IGFL2: variants seen among roughly 807,000 people sequenced by gnomAD.
The protein encoded by IGFL2 is insulin growth factor-like family member 2.
In IGFL2, 7 loss-of-function variants were observed where a neutral mutation model predicts 13.9. The observed-to-expected ratio is 0.51, with a 90% CI of 0.29 to 0.95. The LOEUF (loss-of-function observed/expected upper bound fraction) is 0.95. Among genes scored for constraint, IGFL2 ranks in the 40% least tolerant of loss-of-function variants. The probability of loss-of-function intolerance (pLI) is 0.08; values close to 1 mark genes in which losing one functional copy is unlikely to be tolerated. For missense variants in IGFL2, 138 were observed against 147.8 expected (o/e 0.93, Z 0.34); for synonymous variants, 55 against 55.8 (o/e 0.99, Z 0.07).
chr19:46,152,362 G>A (rs754422496), intron 1 of IGFL2, among the ~76,000 whole-genome samples: 3 of 150,602 alleles, frequency 2.0e-5, no homozygotes, highest in Non-Finnish European at 4.4e-5. Flanking sequence ...ATGCAGCTTC[G>A]AACTCCTGGG....
At chr19:46,149,969 C>G (rs1450334048) in intron 1 of IGFL2, among the ~76,000 whole-genome samples, 1 of 152,196 alleles carries the variant, frequency 6.6e-6, no homozygotes, top group Non-Finnish European at 1.5e-5. Flanking sequence ...TTCCACAGAG[C>G]TGCATCAATT....
At chr19:46,149,033 G>T in intron 1 of IGFL2, 1 of 1,605,270 alleles carries the variant, frequency 6.2e-7, no homozygotes, top group Non-Finnish European at 8.5e-7. Context: ...CCAGGAGTGT[G>T]CTGGGTAAGT....
At chr19:46,167,235 A>T in the IGFL2 span, among the ~76,000 whole-genome samples, 1 of 152,202 alleles carries the variant, frequency 6.6e-6, no homozygotes, top group Admixed American at 6.5e-5. Context: ...ACTTCCCGCA[A>T]CAGGTACCCT....
chr19:46,083,419 A>G, the IGFL2 span, among the ~76,000 whole-genome samples: 75 of 152,342 alleles, frequency 4.9e-4, no homozygotes, highest in African/African-American at 1.6e-3. Flanking sequence ...CATAAAGACT[A>G]AAGTGTGGTA....
chr19:46,139,933 C>T (rs117822320), upstream of IGFL2, among the ~76,000 whole-genome samples: 202 of 149,496 alleles, frequency 1.4e-3, 1 homozygote, highest in East Asian at 0.024. Context: ...ATATATTTCA[C>T]GCACTCACAC....
At chr19:46,093,838 CA>C in the IGFL2 span, among the ~76,000 whole-genome samples, 2 of 151,914 alleles carry the variant, frequency 1.3e-5, no homozygotes, top group African/African-American at 4.8e-5. Context: ...AAAATTGTAT[CA>C]AAAATTAAAT....
the IGFL2 span, among the ~76,000 whole-genome samples, chr19:46,125,763 G>T: frequency 1.3e-5 from 2 of 152,172 alleles, no homozygotes; most frequent in Non-Finnish European, 2.9e-5. Flanking sequence ...AACCTAAGAA[G>T]GCCAACAATG....
the IGFL2 span, among the ~76,000 whole-genome samples, chr19:46,095,376 T>G: frequency 6.8e-6 from 1 of 146,838 alleles, no homozygotes; most frequent in South Asian, 2.1e-4. Flanking sequence ...TGATGGGTTG[T>G]TTTTTTTTCT....
the IGFL2 span, chr19:46,209,413 T>G: frequency 6.6e-6 from 1 of 152,352 alleles, no homozygotes; most frequent in South Asian, 2.1e-4. Flanking sequence ...GCCCACCTTT[T>G]GTCCCCTTAG....
the IGFL2 span, among the ~76,000 whole-genome samples, chr19:46,106,423 T>C: frequency 0.21 from 31,652 of 151,836 alleles, 5,133 homozygotes; most frequent in African/African-American, 0.45. Flanking sequence ...TGAAGCCTTG[T>C]GGCAGTACAG....
chr19:46,137,160 G>A, the IGFL2 span: 1 of 1,608,754 alleles, frequency 6.2e-7, no homozygotes, highest in South Asian at 1.1e-5. Flanking sequence ...TCTAGAGCTG[G>A]CATGAAGTTT....
the IGFL2 span, chr19:46,197,322 G>T: frequency 5.6e-6 from 1 of 178,302 alleles, no homozygotes; most frequent in East Asian, 1.3e-4. Flanking sequence ...TGTGGGTCCT[G>T]GGGGGCTGCA....
chr19:46,136,876 T>G, the IGFL2 span: 8 of 762,566 alleles, frequency 1.0e-5, no homozygotes, highest in Non-Finnish European at 1.7e-5. Flanking sequence ...AAAAGACTAC[T>G]CTGTGTATTG....
At chr19:46,162,956 G>A (rs1974231974), downstream of IGFL2, among the ~76,000 whole-genome samples, 1 of 152,178 alleles carries the variant, frequency 6.6e-6, no homozygotes, top group Non-Finnish European at 1.5e-5. Context: ...TGTAGATTAA[G>A]TACAGTCAAT....
At chr19:46,161,962 C>G (rs906376974), downstream of IGFL2, among the ~76,000 whole-genome samples, 6 of 152,146 alleles carry the variant, frequency 3.9e-5, no homozygotes, top group African/African-American at 1.4e-4. Flanking sequence ...TGTGGTCTTT[C>G]CTTCTATATT....
At chr19:46,149,641 C>T (rs1973364637) in intron 1 of IGFL2, among the ~76,000 whole-genome samples, 2 of 151,958 alleles carry the variant, frequency 1.3e-5, no homozygotes, top group East Asian at 1.9e-4. Context: ...TATAAGTGAC[C>T]TTTCGTGTAA....
At chr19:46,095,515 A>C in the IGFL2 span, among the ~76,000 whole-genome samples, 5 of 152,276 alleles carry the variant, frequency 3.3e-5, no homozygotes, top group African/African-American at 1.2e-4. Context: ...TGCTGTGCAG[A>C]AACTCTTTAG....
At chr19:46,190,385 G>T in the IGFL2 span, 1 of 152,194 alleles carries the variant, frequency 6.6e-6, no homozygotes, top group African/African-American at 2.4e-5. Flanking sequence ...CAACAGGCTG[G>T]CCAGAGGGTG....
At chr19:46,116,628 C>T in the IGFL2 span, among the ~76,000 whole-genome samples, 1 of 152,216 alleles carries the variant, frequency 6.6e-6, no homozygotes, top group Non-Finnish European at 1.5e-5. Flanking sequence ...CCTCCTACCT[C>T]AGCCTCCTGG....
Sources: allele counts gnomAD v4.1 joint callset (sites outside exome capture counted in the v4.1 genomes callset), GRCh38; gene constraint gnomAD v4.1.1; transcripts MANE v1.5; gene names NCBI Gene and HGNC (gene_info 2026-07-23, HGNC 2026-07-21).